SPTB: variants seen among roughly 807,000 people sequenced by gnomAD.
SPTB encodes the protein spectrin beta chain, erythrocytic.
In SPTB, 45 loss-of-function variants were observed where a neutral mutation model predicts 256.2. That is an observed-to-expected ratio of 0.18 (90% CI 0.14 to 0.23). The LOEUF (loss-of-function observed/expected upper bound fraction) is 0.23, where lower values mean the gene tolerates loss of function less well. SPTB is among the 10% of genes least tolerant of loss of function. The pLI, the probability that SPTB is intolerant of heterozygous loss-of-function variation, is 1.00. For missense variants in SPTB, 2,715 were observed against 3,040.4 expected (o/e 0.89, Z 2.52); for synonymous variants, 1,231 against 1,243.1 (o/e 0.99, Z 0.21).
At chr14:64,871,304 A>C (rs939073001) in intron 1 of SPTB, among the ~76,000 whole-genome samples, 3 of 152,194 alleles carry the variant, frequency 2.0e-5, no homozygotes, top group African/African-American at 7.2e-5. Flanking sequence ...AGGACTCAGT[A>C]AGCAGAAGTG....
At chr14:64,859,732 ATATATG>A (rs1566807378) in intron 1 of SPTB, among the ~76,000 whole-genome samples, 1 of 149,714 alleles carries the variant, frequency 6.7e-6, no homozygotes, top group Non-Finnish European at 1.5e-5. Context: ...ATATATATAT[ATATATG>A]CATATAATTA....
At chr14:64,803,274 G>T (rs1467667451) in intron 4 of SPTB, among the ~76,000 whole-genome samples, 1 of 152,118 alleles carries the variant, frequency 6.6e-6, no homozygotes, top group East Asian at 1.9e-4. Flanking sequence ...GCAATTTTCT[G>T]TATCTATTTC....
At chr14:64,864,499 C>T (rs932575713) in intron 1 of SPTB, among the ~76,000 whole-genome samples, 7 of 152,110 alleles carry the variant, frequency 4.6e-5, no homozygotes, top group Non-Finnish European at 7.4e-5. Flanking sequence ...TATGGAAAGA[C>T]GTCCAAGGTG....
intron 10 of SPTB, among the ~76,000 whole-genome samples, chr14:64,797,030 C>T (rs1049973903): frequency 6.6e-6 from 1 of 152,234 alleles, no homozygotes; most frequent in South Asian, 2.1e-4. Context: ...TGGCTACCTC[C>T]GTTCAATATG....
intron 9 of SPTB, among the ~76,000 whole-genome samples, chr14:64,798,123 G>C (rs114323353): frequency 6.6e-6 from 1 of 152,090 alleles, no homozygotes; most frequent in East Asian, 1.9e-4. Flanking sequence ...CCTCTACATG[G>C]GAAGCTGAGG....
intron 15 of SPTB, among the ~76,000 whole-genome samples, chr14:64,789,670 G>A (rs545904839): frequency 3.3e-5 from 5 of 152,322 alleles, no homozygotes; most frequent in African/African-American, 1.2e-4. Flanking sequence ...GGTGTGCAAA[G>A]CCCTTGGGCA....
In SPTB at chr14:64,749,611, AC is replaced by A. The variant is rs2081911617; in HGVS notation, c.6819+42del. On this transcript the variant is annotated intron_variant, in intron 35 of 35. Transcript: ENST00000644917. This position sits in a 1 kb window ranked among gnomAD's most constrained non-coding sequence, Gnocchi z 4.7. Reference sequence around the variant, plus strand: ...GCAAGCGGCCTGGGGTCCTCCACCTACCCCCTTCTTAGCCAGGTCTGGGCTA... The same window carrying A: ...GCAAGCGGCCTGGGGTCCTCCACCTACCCCTTCTTAGCCAGGTCTGGGCTA... 3.1e-6 allele frequency: 5 copies of A among 1,611,634 alleles called. No individual in the cohort carries two copies. Among genetic ancestry groups the A allele is most frequent in the Middle Eastern group, 1.6e-4 (1 of 6,062 alleles).
chr14:64,805,450 C>T (rs1283630076), intron 2 of SPTB, among the ~76,000 whole-genome samples: 4 of 152,186 alleles, frequency 2.6e-5, no homozygotes, highest in Non-Finnish European at 5.9e-5. Flanking sequence ...CAAATATTCG[C>T]TCTGCCTAGA....
chr14:64,877,636 T>C (rs749681703), intron 1 of SPTB, among the ~76,000 whole-genome samples: 1 of 152,198 alleles, frequency 6.6e-6, no homozygotes, highest in Admixed American at 6.5e-5. Flanking sequence ...TCAACAAAGG[T>C]TAACTGAGGT....
intron 29 of SPTB, 30 bp from the exon 30 acceptor site, chr14:64,767,889 C>G (rs1284191564): frequency 2.5e-6 from 4 of 1,611,124 alleles, no homozygotes; most frequent in Non-Finnish European, 3.4e-6. Flanking sequence ...ACAGACCCCC[C>G]ACAAGGCCCA....
intron 15 of SPTB, among the ~76,000 whole-genome samples, chr14:64,788,729 G>A (rs1013633866): frequency 1.3e-5 from 2 of 152,186 alleles, no homozygotes; most frequent in African/African-American, 2.4e-5. Flanking sequence ...AAGATGCACT[G>A]GAGCTTGGGT....
intron 22 of SPTB, among the ~76,000 whole-genome samples, chr14:64,776,957 G>A (rs1188949155): frequency 6.6e-6 from 1 of 152,226 alleles, no homozygotes; most frequent in Non-Finnish European, 1.5e-5. Context: ...AGAGGAAATA[G>A]AAGGTAAACA....
At chr14:64,799,629 C>T in intron 9 of SPTB, 118 bp downstream of exon 9, 1 of 1,221,930 alleles carries the variant, frequency 8.2e-7, no homozygotes, top group Non-Finnish European at 1.2e-6. Context: ...ATACAGCTCT[C>T]TAATCTTGAG....
chr14:64,808,655 G>A (rs555967926), intron 2 of SPTB, among the ~76,000 whole-genome samples: 1 of 152,076 alleles, frequency 6.6e-6, no homozygotes, highest in Non-Finnish European at 1.5e-5. Context: ...CTGCAGGGGC[G>A]TTGGGCAGCT....
chr14:64,865,849 A>G (rs1882151677), intron 1 of SPTB, among the ~76,000 whole-genome samples: 2 of 152,214 alleles, frequency 1.3e-5, no homozygotes, highest in Admixed American at 1.3e-4. Context: ...CCGTACCTGC[A>G]AACACCTTCA....
chr14:64,781,217 G>T (rs2082465869), intron 20 of SPTB, among the ~76,000 whole-genome samples: 1 of 152,086 alleles, frequency 6.6e-6, no homozygotes, highest in Non-Finnish European at 1.5e-5. Context: ...AGCAAAAATT[G>T]GCAAATGAGA....
At chr14:64,780,083 C>A (rs2082440105) in intron 20 of SPTB, 152 bp from the exon 21 acceptor site, 2 of 734,636 alleles carry the variant, frequency 2.7e-6, no homozygotes, top group South Asian at 1.5e-5. Flanking sequence ...AGTCATCTTT[C>A]CCTCTTCTGA....
chr14:64,872,190 C>T (rs1250906476), intron 1 of SPTB, among the ~76,000 whole-genome samples: 1 of 152,126 alleles, frequency 6.6e-6, no homozygotes, highest in Admixed American at 6.5e-5. Flanking sequence ...AATACATCAC[C>T]ATCTCAGTAA....
chr14:64,765,859 A>G (rs1264089984), intron 32 of SPTB, among the ~76,000 whole-genome samples: 16 of 119,554 alleles, frequency 1.3e-4, no homozygotes, highest in South Asian at 2.9e-4. Context: ...GTGCACATGT[A>G]TGTGTGTGTG....
Sources: allele counts gnomAD v4.1 joint callset (sites outside exome capture counted in the v4.1 genomes callset), GRCh38; gene constraint gnomAD v4.1.1; non-coding constraint Gnocchi (gnomAD v3.1); transcripts MANE v1.5; gene names NCBI Gene and HGNC (gene_info 2026-07-23, HGNC 2026-07-21).